NRXN1: variants seen among roughly 807,000 people sequenced by gnomAD.
NRXN1 encodes the protein neurexin 1, also known as neurexin-1.
Under a neutral mutation model 150.9 loss-of-function variants are expected in NRXN1, and 39 were observed. The observed-to-expected ratio is 0.26, with a 90% CI of 0.20 to 0.34. The LOEUF (loss-of-function observed/expected upper bound fraction) is 0.34, where lower values mean the gene tolerates loss of function less well. Ranked by LOEUF, NRXN1 falls within the 10% of genes least tolerant of loss-of-function variation. The pLI is 1.00. For synonymous variants in NRXN1, 924 were observed against 757.0 expected (o/e 1.22, Z -3.62); for missense variants, 1,815 against 1,949.9 (o/e 0.93, Z 1.30).
intron 5 of NRXN1, among the ~76,000 whole-genome samples, chr2:50,679,237 T>C (rs184504093): frequency 6.6e-6 from 1 of 152,106 alleles, no homozygotes; most frequent in East Asian, 1.9e-4. Flanking sequence ...GGTGATGGGA[T>C]AGGTTTTGAG....
intron 18 of NRXN1, among the ~76,000 whole-genome samples, chr2:50,179,969 T>C (rs2060595270): frequency 1.3e-5 from 2 of 152,102 alleles, no homozygotes; most frequent in African/African-American, 4.8e-5. Flanking sequence ...ATAAACAGTT[T>C]TTATTATTTT....
At position 50,525,390 on chromosome 2, in the gene NRXN1, T is replaced by C. The variant is rs562155221; in HGVS notation, c.2374+3235A>G. Among the ~76,000 whole-genome samples, 7 of 152,296 alleles carry C rather than the reference T, an allele frequency of 4.6e-5. 1 individual carries two copies. The South Asian group carries it at 1.4e-3, about 32-fold the overall frequency. The stretch of plus-strand genomic sequence containing the variant: ...TACAGTCCCTTCCCATCTACCCTTA[T>C]TAAAGTATCCTTCACTGTCTAAGAA... On this transcript the variant is annotated intron_variant, in intron 12 of 22. Transcript: ENST00000401669.
intron 5 of NRXN1, among the ~76,000 whole-genome samples, chr2:50,696,769 G>T (rs1367313777): frequency 1.3e-5 from 2 of 152,082 alleles, no homozygotes; most frequent in Non-Finnish European, 2.9e-5. Context: ...TGATTTAAAT[G>T]GTAGAAAGTG....
At chr2:51,017,832 T>C (rs902964255) in intron 2 of NRXN1, among the ~76,000 whole-genome samples, 16 of 152,010 alleles carry the variant, frequency 1.1e-4, no homozygotes, top group African/African-American at 3.9e-4. Flanking sequence ...TGCTGGAAAA[T>C]AAATCAATTT....
chr2:50,299,985 T>A (rs2074004136), intron 17 of NRXN1, among the ~76,000 whole-genome samples: 1 of 152,140 alleles, frequency 6.6e-6, no homozygotes, highest in Admixed American at 6.5e-5. Flanking sequence ...ACAGAGCCTA[T>A]CAAATGGGCA....
chr2:50,621,286 T>A, intron 6 of NRXN1, 37 bp from the exon 7 acceptor site: 1 of 1,492,064 alleles, frequency 6.7e-7, no homozygotes, highest in South Asian at 1.2e-5. Flanking sequence ...AATTAAAAAC[T>A]GTGAACAGAA....
rs373868158 is a variant in NRXN1 at position 50,187,209 on chromosome 2, T to C, written c.3546+49580A>G. 1.6e-4 allele frequency among the ~76,000 whole-genome samples: 24 copies of C among 152,136 alleles called. No individual in the cohort carries two copies. The East Asian group carries it at 4.1e-3, about 26-fold the overall frequency. ...AACCAAATTATTGCGATCATGAATATTACACATCCTGAGAAACAGGAACTG... is the reference window on the plus strand; with the variant it reads ...AACCAAATTATTGCGATCATGAATACTACACATCCTGAGAAACAGGAACTG... On this transcript the variant is annotated intron_variant, in intron 18 of 22. Coordinates refer to ENST00000401669, the MANE Select transcript of NRXN1 (RefSeq NM_001330078.2).
intron 18 of NRXN1, among the ~76,000 whole-genome samples, chr2:50,200,252 T>A (rs1362635992): frequency 6.6e-6 from 1 of 152,172 alleles, no homozygotes; most frequent in Non-Finnish European, 1.5e-5. Flanking sequence ...TTCTTGAGAA[T>A]CTAGATGAAC....
chr2:50,373,598 A>C (rs1454199629), intron 17 of NRXN1, among the ~76,000 whole-genome samples: 1 of 150,038 alleles, frequency 6.7e-6, no homozygotes, highest in Non-Finnish European at 1.5e-5. Context: ...AAAGAAAGAG[A>C]GAGAGAAAGA....
intron 14 of NRXN1, among the ~76,000 whole-genome samples, chr2:50,496,764 G>C (rs1380061696): frequency 1.3e-5 from 2 of 152,168 alleles, no homozygotes; most frequent in East Asian, 3.9e-4. Flanking sequence ...CATGGCACCT[G>C]ATGTAGCATA....
At chr2:50,794,615 AT>A (rs1159838697) in intron 5 of NRXN1, among the ~76,000 whole-genome samples, 1 of 152,140 alleles carries the variant, frequency 6.6e-6, no homozygotes, top group Non-Finnish European at 1.5e-5. Flanking sequence ...GCAATTACTT[AT>A]TTTTTATCAC....
intron 2 of NRXN1, among the ~76,000 whole-genome samples, chr2:50,952,998 A>AAT (rs1691649371): frequency 6.6e-6 from 1 of 152,158 alleles, no homozygotes; most frequent in Non-Finnish European, 1.5e-5. Context: ...CATAATGATC[A>AAT]ATATATATGG....
intron 21 of NRXN1, among the ~76,000 whole-genome samples, chr2:49,995,162 G>C (rs905426536): frequency 1.3e-5 from 2 of 152,148 alleles, no homozygotes; most frequent in Non-Finnish European, 2.9e-5. Context: ...AATCTGTAGA[G>C]TCAAGACATG....
intron 5 of NRXN1, among the ~76,000 whole-genome samples, chr2:50,685,210 T>C (rs1691041137): frequency 6.6e-6 from 1 of 152,224 alleles, no homozygotes; most frequent in Non-Finnish European, 1.5e-5. Context: ...GGTTGTTCTC[T>C]TTGATCCGCC....
chr2:50,885,016 G>A (rs967232209), intron 5 of NRXN1, among the ~76,000 whole-genome samples: 2 of 151,514 alleles, frequency 1.3e-5, no homozygotes, highest in Non-Finnish European at 3.0e-5. Flanking sequence ...TACAAATGAA[G>A]TTATTTTCAA....
At chr2:50,383,075 CT>C (rs1234544820) in intron 17 of NRXN1, among the ~76,000 whole-genome samples, 1 of 151,936 alleles carries the variant, frequency 6.6e-6, no homozygotes, top group Non-Finnish European at 1.5e-5. Context: ...ATTAATTTTC[CT>C]TATGATCTGA....
chr2:50,516,311 T>C (rs2092629655), intron 12 of NRXN1, among the ~76,000 whole-genome samples: 1 of 152,190 alleles, frequency 6.6e-6, no homozygotes, highest in African/African-American at 2.4e-5. Context: ...GCTCAGCATA[T>C]GGCACGGTGT....
At chr2:50,456,739 T>C (rs933834034) in intron 17 of NRXN1, among the ~76,000 whole-genome samples, 2 of 152,150 alleles carry the variant, frequency 1.3e-5, no homozygotes, top group African/African-American at 2.4e-5. Context: ...TGGTCTTCAC[T>C]ATTAATCTTG....
At chr2:50,410,676 A>G (rs569827495) in intron 17 of NRXN1, among the ~76,000 whole-genome samples, 5 of 148,484 alleles carry the variant, frequency 3.4e-5, no homozygotes, top group African/African-American at 1.3e-4. Flanking sequence ...AATATTTCAG[A>G]AAAAAAAAGT....
Sources: gnomAD v4.1 joint callset for allele counts (sites outside exome capture counted in the v4.1 genomes callset) on GRCh38, gnomAD v4.1.1 for gene constraint, MANE v1.5 for transcripts, NCBI Gene and HGNC (gene_info 2026-07-23, HGNC 2026-07-21) for gene names.